Variants in TMEM135 observed in about 807,000 individuals in gnomAD.
The protein encoded by TMEM135 is transmembrane protein 135, also known as peroxisomal membrane protein 52.
A neutral mutation model predicts 60.3 loss-of-function variants in TMEM135; 30 were observed. The ratio of observed to expected loss-of-function variants is 0.50; its 90% CI spans 0.37 to 0.68. TMEM135 has a LOEUF of 0.68. Ranked by LOEUF, TMEM135 falls within the 30% of genes least tolerant of loss-of-function variation. The pLI is 0.00. For synonymous variants in TMEM135, 190 were observed against 186.7 expected (o/e 1.02, Z -0.14); for missense variants, 468 against 548.8 (o/e 0.85, Z 1.47).
intron 6 of TMEM135, among the ~76,000 whole-genome samples, chr11:87,287,728 C>G (rs1942193669): frequency 6.6e-6 from 1 of 152,082 alleles, no homozygotes; most frequent in Non-Finnish European, 1.5e-5. Flanking sequence ...TATTTTTTAT[C>G]ATTATAGTTA....
At chr11:87,184,234 A>C (rs1939595238) in intron 5 of TMEM135, among the ~76,000 whole-genome samples, 1 of 152,214 alleles carries the variant, frequency 6.6e-6, no homozygotes, top group South Asian at 2.1e-4. Flanking sequence ...TGGGTATATG[A>C]ATATCACATA....
chr11:87,056,548 C>A (rs1949896201), intron 1 of TMEM135, among the ~76,000 whole-genome samples: 1 of 152,222 alleles, frequency 6.6e-6, no homozygotes, highest in African/African-American at 2.4e-5. Flanking sequence ...TTATGTCCAT[C>A]AAATGGTTGA....
chr11:87,038,061 A>G lies in TMEM135; in HGVS notation c.16A>G (p.Lys6Glu). The G allele has an allele frequency of 6.2e-7, 1 of 1,614,074 alleles. No individual in the cohort carries two copies. The highest frequency in any genetic ancestry group is 8.5e-7 in the Non-Finnish European group (1 of 1,180,008). Residue 6 changes from lysine to glutamate, a missense_variant, in exon 1 of 15, where the codon AAG (lysine) becomes GAG (glutamate). Lys to Glu is a moderately conservative substitution (Grantham distance 56). Transcript: ENST00000305494. ...GTTCCTCGTCATGGCGGCCCTCAGC[A>G]AGTCCATCCCTCATAACTGCTATGA... is the stretch of plus-strand genomic sequence containing the variant. MAALS[K>E]SIPHNCYEIG... is the part of the protein sequence containing the mutation.
chr11:87,294,874 T>TA (rs1942322587), intron 6 of TMEM135, among the ~76,000 whole-genome samples: 2 of 138,874 alleles, frequency 1.4e-5, no homozygotes, highest in South Asian at 4.9e-4. Context: ...CTTGTTTAAA[T>TA]ATTTTTTTGC....
At chr11:87,229,561 TTGGCAATA>T (rs1940843480) in intron 5 of TMEM135, among the ~76,000 whole-genome samples, 1 of 152,158 alleles carries the variant, frequency 6.6e-6, no homozygotes, top group South Asian at 2.1e-4. Context: ...GGAGGTCAAT[TTGGCAATA>T]TTTGTCAAAA....
At position 87,038,202 on chromosome 11, in the gene TMEM135, C is replaced by T. The variant is rs1436164828; in HGVS notation, c.141+16C>T. On this transcript the variant is annotated intron_variant, in intron 1 of 14. Transcript: ENST00000305494. The stretch of plus-strand genomic sequence containing the variant: ...TCTGTACTTGGTGAGACCCGTCACC[C>T]GTCCCGCAGGGCGAGTTTAGTCTGG... The T allele has an allele frequency of 3.1e-6, 5 of 1,613,792 alleles. No individual in the cohort carries two copies. The highest frequency in any genetic ancestry group is 4.5e-5 in the East Asian group (2 of 44,846).
intron 1 of TMEM135, among the ~76,000 whole-genome samples, chr11:87,057,817 T>TGTGTG (rs34314691): frequency 0.07 from 10,459 of 149,300 alleles, 1,010 homozygotes; most frequent in African/African-American, 0.22. Flanking sequence ...GTGTGTGTGT[T>TGTGTG]TGTGTGTGTG....
chr11:87,221,891 T>G (rs1252202488), intron 5 of TMEM135, among the ~76,000 whole-genome samples: 1 of 152,202 alleles, frequency 6.6e-6, no homozygotes, highest in African/African-American at 2.4e-5. Flanking sequence ...TATTAAAATT[T>G]CAGCCAATAT....
chr11:87,130,179 T>A (rs76797519), intron 4 of TMEM135, among the ~76,000 whole-genome samples: 2 of 146,340 alleles, frequency 1.4e-5, no homozygotes, highest in African/African-American at 2.5e-5. Flanking sequence ...TTTTTTTTTT[T>A]AAGTAAATTA....
chr11:87,065,018 T>C (rs1856621852), intron 1 of TMEM135, among the ~76,000 whole-genome samples: 1 of 152,204 alleles, frequency 6.6e-6, no homozygotes, highest in South Asian at 2.1e-4. Context: ...ATATATGCTT[T>C]TTATTGTTCA....
chr11:87,160,154 T>C (rs1938830791), intron 5 of TMEM135, among the ~76,000 whole-genome samples: 2 of 152,238 alleles, frequency 1.3e-5, no homozygotes, highest in African/African-American at 2.4e-5. Context: ...TTTATCCAGA[T>C]ACATGATGAC....
intron 6 of TMEM135, among the ~76,000 whole-genome samples, chr11:87,286,913 TTTAA>T (rs1391506252): frequency 3.9e-5 from 6 of 152,254 alleles, no homozygotes; most frequent in African/African-American, 9.6e-5. Flanking sequence ...CATTTTCTGT[TTTAA>T]TTAATTTTGT....
intron 5 of TMEM135, among the ~76,000 whole-genome samples, chr11:87,180,410 G>A (rs1028102849): frequency 2.6e-5 from 4 of 152,048 alleles, no homozygotes; most frequent in South Asian, 4.1e-4. Flanking sequence ...AAGTATATGA[G>A]TGTGTGTGGA....
At chr11:87,083,576 T>C (rs1857033116) in intron 3 of TMEM135, among the ~76,000 whole-genome samples, 1 of 152,182 alleles carries the variant, frequency 6.6e-6, no homozygotes, top group Non-Finnish European at 1.5e-5. Context: ...GAATGAATGA[T>C]CTATATAATA....
intron 6 of TMEM135, among the ~76,000 whole-genome samples, chr11:87,270,557 C>T: frequency 6.6e-6 from 1 of 152,054 alleles, no homozygotes; most frequent in East Asian, 1.9e-4. Context: ...AGAACATTTC[C>T]TTAGTGTTTC....
chr11:87,186,127 A>C (rs1337084074), intron 5 of TMEM135, among the ~76,000 whole-genome samples: 1 of 152,038 alleles, frequency 6.6e-6, no homozygotes, highest in African/African-American at 2.4e-5. Context: ...GGATGGTCTC[A>C]ATCTCTTGAC....
chr11:87,145,779 TTTG>T (rs1163059149), intron 4 of TMEM135, among the ~76,000 whole-genome samples: 21 of 152,234 alleles, frequency 1.4e-4, no homozygotes, highest in Admixed American at 1.4e-3. Flanking sequence ...AATTGAATTT[TTTG>T]TTTTCTTGCT....
At chr11:87,309,427 T>G in intron 9 of TMEM135, 78 bp from the exon 10 acceptor site, 46 of 1,457,024 alleles carry the variant, frequency 3.2e-5, no homozygotes, top group Middle Eastern at 1.7e-4. Flanking sequence ...GTTTCTATTT[T>G]GAGATGGTAA....
rs35634960 is a variant in TMEM135, at chr11:87,141,043, CTT to C, written c.397-16286_397-16285del. Among the ~76,000 whole-genome samples the C allele has an allele frequency of 2.3e-3, 337 of 145,926 alleles. 3 individuals are homozygous for C. The East Asian group carries it at 0.029, about 12-fold the overall frequency. On this transcript the variant is annotated intron_variant, in intron 4 of 14. Transcript: ENST00000305494. ...TTGAAATAAGTCTGCCAACTTTGTTCTTTTTTTTTTTTTAACATTGTTATGAC... is the reference window on the plus strand; with the variant it reads ...TTGAAATAAGTCTGCCAACTTTGTTCTTTTTTTTTTTAACATTGTTATGAC...
Sources: gnomAD v4.1 joint callset for allele counts (sites outside exome capture counted in the v4.1 genomes callset) on GRCh38, gnomAD v4.1.1 for gene constraint, MANE v1.5 for transcripts, NCBI Gene and HGNC (gene_info 2026-07-23, HGNC 2026-07-21) for gene names.